AJAP1: variants seen among roughly 807,000 people sequenced by gnomAD.
The protein encoded by AJAP1 is adherens junction-associated protein 1.
Under a neutral mutation model 35.0 loss-of-function variants are expected in AJAP1, and 5 were observed. That is an observed-to-expected ratio of 0.14 (90% CI 0.07 to 0.30). The LOEUF (loss-of-function observed/expected upper bound fraction) is 0.30. Ranked by LOEUF, AJAP1 falls within the 10% of genes least tolerant of loss-of-function variation. The pLI, the probability that AJAP1 is intolerant of heterozygous loss-of-function variation, is 1.00. For missense variants in AJAP1, 586 were observed against 571.0 expected (o/e 1.03, Z -0.27); for synonymous variants, 284 against 249.3 (o/e 1.14, Z -1.31).
At chr1:4,663,470 A>G (rs1639048226) in intron 1 of AJAP1, among the ~76,000 whole-genome samples, 2 of 152,228 alleles carry the variant, frequency 1.3e-5, no homozygotes, top group African/African-American at 4.8e-5. Context: ...ACAGACTTGG[A>G]AGAACCCAAC....
chr1:4,667,798 G>A (rs115849063), intron 1 of AJAP1, among the ~76,000 whole-genome samples: 1,891 of 152,292 alleles, frequency 0.012, 42 homozygotes, highest in African/African-American at 0.043. Flanking sequence ...CAAGCTGTGG[G>A]TCTGAATTTT....
chr1:4,723,469 G>T lies in AJAP1; in HGVS notation c.829+10770G>T, dbSNP rs137976162. On this transcript the variant is annotated intron_variant, in intron 2 of 5. Coordinates refer to ENST00000378191, the MANE Select transcript of AJAP1 (RefSeq NM_018836.4). The surrounding 1 kb of genome is among the most constrained non-coding windows in gnomAD (Gnocchi z 4.3). ...GGGGAGAATGAAGGGGCAATTGGGG[G>T]TGATAAGGAAGAGCCCACCGGGAGG... is the stretch of plus-strand genomic sequence containing the variant. Among the ~76,000 whole-genome samples the T allele has an allele frequency of 4.6e-5, 7 of 152,222 alleles. No individual in the cohort carries two copies. In the East Asian group the frequency reaches 1.4e-3, roughly 30 times the overall value.
chr1:4,670,847 G>A (rs1429535054), intron 1 of AJAP1, among the ~76,000 whole-genome samples: 1 of 152,222 alleles, frequency 6.6e-6, no homozygotes, highest in Non-Finnish European at 1.5e-5. Context: ...AGAGGGAACA[G>A]AGCAAATGAC....
chr1:4,766,677 GAA>G (rs1641693318), intron 2 of AJAP1, among the ~76,000 whole-genome samples: 1 of 152,160 alleles, frequency 6.6e-6, no homozygotes, highest in Non-Finnish European at 1.5e-5. Context: ...TACTTTGCAA[GAA>G]AAGTCTGTGC....
At chr1:4,718,111 G>C (rs575721216) in intron 2 of AJAP1, among the ~76,000 whole-genome samples, 4 of 152,028 alleles carry the variant, frequency 2.6e-5, no homozygotes, top group African/African-American at 2.4e-5. Flanking sequence ...TGGATGCAGC[G>C]TGGCAAATCC....
In AJAP1 at chr1:4,693,246, C is replaced by G. The variant is rs915337022; in HGVS notation, c.30-18654C>G. Among the ~76,000 whole-genome samples the G allele has an allele frequency of 6.6e-6, 1 of 152,102 alleles. No individual in the cohort carries two copies. On this transcript the variant is annotated intron_variant, in intron 1 of 5. Transcript: ENST00000378191. The surrounding 1 kb of genome is among the most constrained non-coding windows in gnomAD (Gnocchi z 4.4). Reference sequence around the variant, plus strand: ...GAGGCGCCCATGGGAACTTTAGACACCAGGCCACTCAACTGAGGGGAGAAG... The same window carrying G: ...GAGGCGCCCATGGGAACTTTAGACAGCAGGCCACTCAACTGAGGGGAGAAG...
chr1:4,754,450 A>T (rs994682810), intron 2 of AJAP1, among the ~76,000 whole-genome samples: 1 of 152,142 alleles, frequency 6.6e-6, no homozygotes, highest in Non-Finnish European at 1.5e-5. Context: ...CTAGGTTGGG[A>T]CTATGTGGAG....
At chr1:4,705,679 C>G (rs1640087295) in intron 1 of AJAP1, among the ~76,000 whole-genome samples, 1 of 151,968 alleles carries the variant, frequency 6.6e-6, no homozygotes, top group South Asian at 2.1e-4. Flanking sequence ...CATCACGGGA[C>G]ACACTTCAGA....
At chr1:4,670,119 T>C (rs1639217812) in intron 1 of AJAP1, among the ~76,000 whole-genome samples, 1 of 152,174 alleles carries the variant, frequency 6.6e-6, no homozygotes, top group South Asian at 2.1e-4. Context: ...CATTTACAGG[T>C]GGCTGCCCAG....
intron 1 of AJAP1, among the ~76,000 whole-genome samples, chr1:4,674,297 A>T (rs1639314992): frequency 6.6e-6 from 1 of 152,168 alleles, no homozygotes; most frequent in African/African-American, 2.4e-5. Flanking sequence ...CTTTGTAAAT[A>T]AAGTTTTATT....
In AJAP1 at chr1:4,655,592, C is replaced by A. The variant is rs1317212210; in HGVS notation, c.29+138C>A. The A allele has an allele frequency of 3.8e-6, 4 of 1,063,532 alleles. No individual in the cohort carries two copies. The highest frequency in any genetic ancestry group is 1.9e-5 in the South Asian group (1 of 52,268). 65.9% of individuals were successfully genotyped at this position (1,063,532 alleles called of 1,614,324 possible). A position where few individuals can be genotyped will look rare whatever the true frequency, so the allele number is the denominator to read the frequency against. On this transcript the variant is annotated intron_variant, in intron 1 of 5. Coordinates refer to ENST00000378191, the MANE Select transcript of AJAP1 (RefSeq NM_018836.4). This position sits in a 1 kb window ranked among gnomAD's most constrained non-coding sequence, Gnocchi z 6.9. ...GCGGGCAACGGGGTGCACCGGTAGC[C>A]GGAAAGGGGCGCCCGCCCGGAGCCT...
At chr1:4,729,891 A>G (rs1399387598) in intron 2 of AJAP1, among the ~76,000 whole-genome samples, 1 of 152,220 alleles carries the variant, frequency 6.6e-6, no homozygotes, top group Non-Finnish European at 1.5e-5. Context: ...ATCCTCTTCC[A>G]AATAAGGTGT....
chr1:4,746,140 C>T (rs1351117845), intron 2 of AJAP1, among the ~76,000 whole-genome samples: 1 of 152,170 alleles, frequency 6.6e-6, no homozygotes, highest in Non-Finnish European at 1.5e-5. Flanking sequence ...GGGGAGGAGC[C>T]TTCCTCGCTG....
chr1:4,717,763 G>A (rs1331900026), intron 2 of AJAP1, among the ~76,000 whole-genome samples: 1 of 152,140 alleles, frequency 6.6e-6, no homozygotes, highest in African/African-American at 2.4e-5. Context: ...CCTCATGATG[G>A]TGAACTATTT....
At chr1:4,748,638 C>T (rs141302184) in intron 2 of AJAP1, among the ~76,000 whole-genome samples, 1,637 of 151,532 alleles carry the variant, frequency 0.011, 18 homozygotes, top group Non-Finnish European at 0.015. Flanking sequence ...ATCCCAGCAA[C>T]TCAGGAGGCT....
intron 2 of AJAP1, among the ~76,000 whole-genome samples, chr1:4,721,745 A>T (rs767718961): frequency 1.3e-5 from 2 of 152,140 alleles, no homozygotes; most frequent in Non-Finnish European, 2.9e-5. Context: ...GACTCTCCTA[A>T]CCCTTGCAGA....
intron 2 of AJAP1, among the ~76,000 whole-genome samples, chr1:4,731,699 G>A (rs1640801021): frequency 6.6e-6 from 1 of 152,220 alleles, no homozygotes; most frequent in Non-Finnish European, 1.5e-5. Context: ...GGCTGGTCCA[G>A]AAAGGCCTGG....
chr1:4,740,814 G>A (rs575570972), intron 2 of AJAP1, among the ~76,000 whole-genome samples: 16 of 150,912 alleles, frequency 1.1e-4, no homozygotes, highest in Admixed American at 2.6e-4. Flanking sequence ...AAGCGGGGGG[G>A]GCTAAGATGG....
chr1:4,786,191 G>A lies in AJAP1; in HGVS notation c.*3706G>A, dbSNP rs982185643. On this transcript the variant is annotated 3_prime_UTR_variant, in exon 6 of 6. Coordinates refer to ENST00000378191, the MANE Select transcript of AJAP1 (RefSeq NM_018836.4). ...GTGGTGACACCCTGGGGTGTGTGGA[G>A]GTGGCTGCTAGTGTTCCTATTTACT... 6.6e-6 allele frequency: 1 copy of A among 152,100 alleles called. No homozygotes were observed. Among genetic ancestry groups the A allele is most frequent in the East Asian group, 1.9e-4 (1 of 5,172 alleles). 9.4% of individuals were successfully genotyped at this position (152,100 alleles called of 1,614,324 possible).
Sources: allele counts gnomAD v4.1 joint callset (sites outside exome capture counted in the v4.1 genomes callset), GRCh38; gene constraint gnomAD v4.1.1; non-coding constraint Gnocchi (gnomAD v3.1); transcripts MANE v1.5; gene names NCBI Gene and HGNC (gene_info 2026-07-23, HGNC 2026-07-21).